Variants in LDB2 observed in about 807,000 individuals in gnomAD.
LDB2 encodes LIM domain-binding protein 2.
In LDB2, 12 loss-of-function variants were observed where a neutral mutation model predicts 44.3. The observed-to-expected ratio is 0.27, with a 90% CI of 0.17 to 0.44. LDB2 has a LOEUF of 0.44. Ranked by LOEUF, LDB2 falls within the 20% of genes least tolerant of loss-of-function variation. The probability of loss-of-function intolerance (pLI) is 1.00; values close to 1 mark genes in which losing one functional copy is unlikely to be tolerated. For synonymous variants in LDB2, 164 were observed against 174.8 expected, an observed-to-expected ratio of 0.94 and a Z score of 0.49; for missense variants, 344 against 473.5, an observed-to-expected ratio of 0.73 and a Z score of 2.54.
chr4:16,673,412 G>A (rs181754184), intron 2 of LDB2, among the ~76,000 whole-genome samples: 55 of 152,268 alleles, frequency 3.6e-4, no homozygotes, highest in Middle Eastern at 6.8e-3. Flanking sequence ...TGCTGCTTCC[G>A]TGTTTGATCT....
rs768583431 is a variant in LDB2 at position 16,586,013 on chromosome 4, GA to G, written c.532-9del. On this transcript the variant is annotated splice_polypyrimidine_tract_variant and intron_variant, in intron 4 of 7. Transcript: ENST00000304523. ...GACCTGAGGATCTTGTGCCTAAATG[GA>G]AAAAAAACCCCACATGTATTTTATC... 1.1e-5 allele frequency: 17 copies of G among 1,606,860 alleles called. No individual in the cohort carries two copies. The highest frequency in any genetic ancestry group is 1.3e-5 in the Non-Finnish European group (15 of 1,174,578).
chr4:16,836,330 A>T (rs1784878580), intron 1 of LDB2, among the ~76,000 whole-genome samples: 1 of 152,188 alleles, frequency 6.6e-6, no homozygotes, highest in Non-Finnish European at 1.5e-5. Flanking sequence ...TGGGAGGATA[A>T]ACATGGATAA....
chr4:16,872,812 G>T (rs1198455563), intron 1 of LDB2, among the ~76,000 whole-genome samples: 1 of 152,194 alleles, frequency 6.6e-6, no homozygotes, highest in Non-Finnish European at 1.5e-5. Flanking sequence ...TTAACTTTCA[G>T]TATGTTTTAG....
At chr4:16,558,324 C>G (rs1740587570) in intron 5 of LDB2, among the ~76,000 whole-genome samples, 1 of 152,044 alleles carries the variant, frequency 6.6e-6, no homozygotes, top group Non-Finnish European at 1.5e-5. Flanking sequence ...AAAATTTAGA[C>G]AAATGTGTAA....
chr4:16,610,741 G>C (rs1725382599), intron 2 of LDB2, among the ~76,000 whole-genome samples: 1 of 152,060 alleles, frequency 6.6e-6, no homozygotes, highest in South Asian at 2.1e-4. Context: ...ACGATTGACT[G>C]GAGTACCAGA....
intron 5 of LDB2, among the ~76,000 whole-genome samples, chr4:16,570,343 G>T (rs1444566826): frequency 6.6e-6 from 1 of 150,630 alleles, no homozygotes. Context: ...GGCACCTGTA[G>T]TTCCAGCTAC....
At position 16,739,676 on chromosome 4, in the gene LDB2, G is replaced by A. The variant is rs55676043; in HGVS notation, c.235+19482C>T. On this transcript the variant is annotated intron_variant, in intron 2 of 7. Transcript: ENST00000304523. ...TGTGTATATATGTATATATACATAT[G>A]TGTGTATATATGTATATATACATAT... Among the ~76,000 whole-genome samples, 243 of 52,094 alleles carry A rather than the reference G, an allele frequency of 4.7e-3. 16 individuals carry two copies. The highest frequency in any genetic ancestry group is 0.016 in the African/African-American group (221 of 14,130). The allele number at this position is 52,094 out of a possible 152,430, so 34.2% of individuals were successfully genotyped here.
intron 5 of LDB2, among the ~76,000 whole-genome samples, chr4:16,514,993 C>T (rs1313511090): frequency 1.3e-5 from 2 of 152,194 alleles, no homozygotes; most frequent in African/African-American, 4.8e-5. Flanking sequence ...CTCATATGTT[C>T]ATTGCAGTAC....
chr4:16,891,514 T>C (rs1250225005), intron 1 of LDB2, among the ~76,000 whole-genome samples: 6 of 152,100 alleles, frequency 3.9e-5, no homozygotes, highest in African/African-American at 1.4e-4. Flanking sequence ...GGTTTCACCA[T>C]GTTGATCAGG....
At chr4:16,602,483 G>C (rs928115155) in intron 2 of LDB2, among the ~76,000 whole-genome samples, 7 of 152,090 alleles carry the variant, frequency 4.6e-5, no homozygotes, top group Admixed American at 2.6e-4. Context: ...TAGAGATGAG[G>C]TCACAGAAAG....
chr4:16,615,758 T>A (rs1317800595), intron 2 of LDB2, among the ~76,000 whole-genome samples: 4 of 152,096 alleles, frequency 2.6e-5, no homozygotes, highest in African/African-American at 7.2e-5. Flanking sequence ...AATAAAATTT[T>A]AAAAAAAGAA....
At position 16,807,986 on chromosome 4, in the gene LDB2, A is replaced by G. The variant is rs112447333; in HGVS notation, c.133-48726T>C. On this transcript the variant is annotated intron_variant, in intron 1 of 7. Transcript: ENST00000304523. ...GGTGAAGGTAGGCTTTCCCCAAAGA[A>G]TTTCTTTCTTTTCCCAATTTCATAT... Among the ~76,000 whole-genome samples, 381 of 152,274 alleles carry G rather than the reference A, an allele frequency of 2.5e-3. 3 individuals are homozygous for G. Among genetic ancestry groups the G allele is most frequent in the African/African-American group, 8.5e-3 (354 of 41,538 alleles).
At chr4:16,884,479 C>A (rs1478022220) in intron 1 of LDB2, among the ~76,000 whole-genome samples, 2 of 152,176 alleles carry the variant, frequency 1.3e-5, no homozygotes, top group Admixed American at 1.3e-4. Flanking sequence ...AACACATACA[C>A]CCCAGACCTT....
intron 2 of LDB2, among the ~76,000 whole-genome samples, chr4:16,606,730 GA>G (rs1473085252): frequency 5.3e-5 from 8 of 152,194 alleles, no homozygotes; most frequent in African/African-American, 1.9e-4. Context: ...CCAGACTAGA[GA>G]AGTAGAAAAG....
intron 2 of LDB2, among the ~76,000 whole-genome samples, chr4:16,616,276 T>A (rs1265971123): frequency 6.6e-6 from 1 of 152,214 alleles, no homozygotes; most frequent in African/African-American, 2.4e-5. Context: ...CAAGATAATG[T>A]GTTGACTACT....
At position 16,885,154 on chromosome 4, in the gene LDB2, T is replaced by TAA. The variant is rs57704740; in HGVS notation, c.132+13198_132+13199dup. ...GGGCAACATAGGGAGATACCACTTC[T>TAA]AAAAAAAAAAAAAAAAAAAAAAACT... On this transcript the variant is annotated intron_variant, in intron 1 of 7. Coordinates refer to ENST00000304523, the MANE Select transcript of LDB2 (RefSeq NM_001290.5). 4.7e-3 allele frequency among the ~76,000 whole-genome samples: 442 copies of TAA among 94,614 alleles called. 2 individuals are homozygous for TAA. Among genetic ancestry groups the TAA allele is most frequent in the Non-Finnish European group, 5.9e-3 (293 of 49,858 alleles). The allele number at this position is 94,614 out of a possible 152,430, so 62.1% of individuals were successfully genotyped here.
chr4:16,626,567 C>G (rs988472910), intron 2 of LDB2, among the ~76,000 whole-genome samples: 6 of 152,182 alleles, frequency 3.9e-5, no homozygotes, highest in African/African-American at 1.4e-4. Context: ...AGAAATCAGG[C>G]AAATACAACT....
chr4:16,847,475 A>T (rs1255699215), intron 1 of LDB2, among the ~76,000 whole-genome samples: 3 of 152,258 alleles, frequency 2.0e-5, no homozygotes, highest in Non-Finnish European at 4.4e-5. Context: ...TACATCAAAG[A>T]TGTTTACCAT....
chr4:16,592,505 T>TATACACACACAC (rs757702164), intron 3 of LDB2, among the ~76,000 whole-genome samples: 3 of 108,058 alleles, frequency 2.8e-5, no homozygotes, highest in African/African-American at 7.6e-5. Flanking sequence ...TATATATATA[T>TATACACACACAC]ACACACACAC....
Sources: gnomAD v4.1 joint callset for allele counts (sites outside exome capture counted in the v4.1 genomes callset) on GRCh38, gnomAD v4.1.1 for gene constraint, MANE v1.5 for transcripts, NCBI Gene and HGNC (gene_info 2026-07-23, HGNC 2026-07-21) for gene names.